CPQ: variants seen among roughly 807,000 people sequenced by gnomAD.
CPQ encodes Ser-Met dipeptidase.
A neutral mutation model predicts 45.7 loss-of-function variants in CPQ; 37 were observed. That is an observed-to-expected ratio of 0.81 (90% confidence interval 0.62 to 1.07). CPQ has a LOEUF of 1.07. Ranked by LOEUF, CPQ falls within the 50% of genes least tolerant of loss-of-function variation. The pLI, the probability that CPQ is intolerant of heterozygous loss-of-function variation, is 0.00. For missense variants in CPQ, 537 were observed against 572.9 expected, an observed-to-expected ratio of 0.94 and a Z score of 0.64; for synonymous variants, 186 against 205.8, an observed-to-expected ratio of 0.90 and a Z score of 0.82.
intron 1 of CPQ, among the ~76,000 whole-genome samples, chr8:96,682,359 T>A (rs1306561481): frequency 1.3e-5 from 2 of 152,226 alleles, no homozygotes; most frequent in Non-Finnish European, 2.9e-5. Context: ...AAAAGAGAAG[T>A]TTCCCTATAC....
At chr8:96,781,717 G>A (rs1810687737) in intron 1 of CPQ, among the ~76,000 whole-genome samples, 1 of 152,104 alleles carries the variant, frequency 6.6e-6, no homozygotes, top group Non-Finnish European at 1.5e-5. Context: ...ATCAGATATG[G>A]GTGAGACATA....
chr8:96,770,130 C>CGT (rs1257292898), intron 1 of CPQ, among the ~76,000 whole-genome samples: 1 of 152,056 alleles, frequency 6.6e-6, no homozygotes, highest in Non-Finnish European at 1.5e-5. Context: ...TGAGTTAGCC[C>CGT]GTGTTGCTGG....
chr8:97,081,394 C>T (rs1369233452), intron 7 of CPQ, among the ~76,000 whole-genome samples: 5 of 152,122 alleles, frequency 3.3e-5, no homozygotes, highest in African/African-American at 9.7e-5. Context: ...TAGACCAAGT[C>T]AAAGCCCACA....
chr8:96,818,148 G>A (rs779222031), intron 2 of CPQ, among the ~76,000 whole-genome samples: 5 of 151,840 alleles, frequency 3.3e-5, no homozygotes, highest in Admixed American at 2.0e-4. Context: ...TGTATCTTAG[G>A]GAATAGGGAA....
chr8:96,899,141 G>A (rs993054392), intron 4 of CPQ, among the ~76,000 whole-genome samples: 5 of 152,088 alleles, frequency 3.3e-5, no homozygotes, highest in African/African-American at 1.2e-4. Flanking sequence ...GTGCTGAGAT[G>A]GAAAAAGAAA....
intron 2 of CPQ, among the ~76,000 whole-genome samples, chr8:96,793,040 T>C (rs1179418634): frequency 6.6e-6 from 1 of 152,082 alleles, no homozygotes; most frequent in Non-Finnish European, 1.5e-5. Context: ...CTGCCCCCCA[T>C]GATTCAGTTA....
At position 97,078,685 on chromosome 8, in the gene CPQ, T is replaced by C. The variant is rs138711376; in HGVS notation, c.1255+12475T>C. Among the ~76,000 whole-genome samples, 4 of 152,258 alleles carry C rather than the reference T, an allele frequency of 2.6e-5. No individual in the cohort carries two copies. In the East Asian group the frequency reaches 7.7e-4, roughly 29 times the overall value. On this transcript the variant is annotated intron_variant, in intron 7 of 7. Transcript: ENST00000220763. ...TTTCTGTAGTTCTTTTTGTTTTTAG[T>C]ATGTATATTCTACTAGAGATGTACA...
rs548891824 is a variant in CPQ at position 96,800,358 on chromosome 8, C to T, written c.433+15028C>T. Among the ~76,000 whole-genome samples the T allele has an allele frequency of 9.2e-5, 14 of 152,276 alleles. No homozygotes were observed. In the South Asian group the frequency reaches 1.0e-3, roughly 11 times the overall value. ...AAATGTGTTGGCAGGGCTGTGAAGA[C>T]GTAGGCACCCTCATGCACTGATTGG... On this transcript the variant is annotated intron_variant, in intron 2 of 7. Coordinates refer to ENST00000220763, the MANE Select transcript of CPQ (RefSeq NM_016134.4).
chr8:96,706,934 G>A (rs1809537273), intron 1 of CPQ, among the ~76,000 whole-genome samples: 1 of 152,102 alleles, frequency 6.6e-6, no homozygotes, highest in African/African-American at 2.4e-5. Flanking sequence ...GTAGGTCAGT[G>A]TAAATGCCTT....
At chr8:97,138,732 A>C (rs1478101284) in intron 7 of CPQ, among the ~76,000 whole-genome samples, 1 of 152,190 alleles carries the variant, frequency 6.6e-6, no homozygotes, top group Non-Finnish European at 1.5e-5. Context: ...GGTTTTAATG[A>C]GCAGTGGGTG....
intron 4 of CPQ, among the ~76,000 whole-genome samples, chr8:96,963,956 T>TGA (rs1813507575): frequency 6.6e-6 from 1 of 152,188 alleles, no homozygotes; most frequent in South Asian, 2.1e-4. Context: ...ATTATGTTTA[T>TGA]GAGACTCATA....
intron 6 of CPQ, among the ~76,000 whole-genome samples, chr8:97,054,575 G>A (rs9297271): frequency 0.13 from 20,311 of 152,160 alleles, 3,332 homozygotes; most frequent in African/African-American, 0.39. Flanking sequence ...TACATACCAC[G>A]GAATACCACT....
chr8:97,123,549 T>C (rs184757471), intron 7 of CPQ, among the ~76,000 whole-genome samples: 3 of 151,240 alleles, frequency 2.0e-5, no homozygotes, highest in Admixed American at 1.3e-4. Context: ...ATAGAAAAGA[T>C]GAGATGGAAT....
At chr8:97,079,758 G>A (rs538995386) in intron 7 of CPQ, among the ~76,000 whole-genome samples, 3 of 152,282 alleles carry the variant, frequency 2.0e-5, no homozygotes, top group South Asian at 2.1e-4. Context: ...ATAATAAAAT[G>A]TGCTGGATGT....
At chr8:96,923,085 C>T (rs1812830510) in intron 4 of CPQ, among the ~76,000 whole-genome samples, 1 of 152,176 alleles carries the variant, frequency 6.6e-6, no homozygotes, top group East Asian at 1.9e-4. Flanking sequence ...AATTAATTTC[C>T]TGCAGGCATA....
chr8:96,668,393 T>C (rs574114129), intron 1 of CPQ, among the ~76,000 whole-genome samples: 5 of 152,300 alleles, frequency 3.3e-5, no homozygotes, highest in East Asian at 3.9e-4. Context: ...GATGAGATCA[T>C]TGGGTGATTA....
chr8:96,752,877 AGTTGTT>A (rs1445197228), intron 1 of CPQ, among the ~76,000 whole-genome samples: 1 of 151,876 alleles, frequency 6.6e-6, no homozygotes, highest in Non-Finnish European at 1.5e-5. Context: ...ACTGGTCATT[AGTTGTT>A]TTTGTTCATT....
At chr8:96,920,651 T>C (rs1385414254) in intron 4 of CPQ, among the ~76,000 whole-genome samples, 2 of 152,104 alleles carry the variant, frequency 1.3e-5, no homozygotes, top group African/African-American at 4.8e-5. Context: ...AGATATTTCA[T>C]CTTGAAAAGA....
chr8:96,772,320 T>A (rs993973527), intron 1 of CPQ, among the ~76,000 whole-genome samples: 8 of 151,624 alleles, frequency 5.3e-5, no homozygotes, highest in African/African-American at 1.5e-4. Context: ...TTGAAAAGAG[T>A]GAGGTGTCCA....
Sources: allele counts gnomAD v4.1 joint callset (sites outside exome capture counted in the v4.1 genomes callset), GRCh38; gene constraint gnomAD v4.1.1; transcripts MANE v1.5; gene names NCBI Gene and HGNC (gene_info 2026-07-23, HGNC 2026-07-21).